The following WDR64 variants were observed in gnomAD, a reference collection of about 807,000 sequenced individuals.
WDR64 encodes WD repeat-containing protein 64.
WDR64 carries 112 observed loss-of-function variants against 139.3 expected under a neutral mutation model. That is an observed-to-expected ratio of 0.80 (90% CI 0.69 to 0.94). WDR64 has a LOEUF of 0.94. Among genes scored for constraint, WDR64 ranks in the 40% least tolerant of loss-of-function variants. The pLI is 0.00. For synonymous variants in WDR64, 444 were observed against 437.7 expected, an observed-to-expected ratio of 1.01 and a Z score of -0.18; for missense variants, 1,206 against 1,293.1, an observed-to-expected ratio of 0.93 and a Z score of 1.03.
chr1:241,731,200 C>A (rs959456217), intron 10 of WDR64, among the ~76,000 whole-genome samples: 1 of 152,158 alleles, frequency 6.6e-6, no homozygotes, highest in African/African-American at 2.4e-5. Flanking sequence ...AAACAGAATA[C>A]TATTCAGCCA....
intron 8 of WDR64, among the ~76,000 whole-genome samples, chr1:241,690,422 G>T (rs1157558891): frequency 6.6e-6 from 1 of 150,948 alleles, no homozygotes; most frequent in East Asian, 2.0e-4. Flanking sequence ...AGTGAGCCGA[G>T]ATCACACCAC....
intron 8 of WDR64, among the ~76,000 whole-genome samples, chr1:241,690,398 G>C (rs1170776174): frequency 6.6e-6 from 1 of 151,338 alleles, no homozygotes; most frequent in Non-Finnish European, 1.5e-5. Flanking sequence ...TTAAACCTGG[G>C]AGGCGGAGGT....
Position 241,749,666 on chromosome 1 carries a change from A to G in WDR64, c.1714A>G (p.Lys572Glu). 6.2e-7 allele frequency: 1 copy of G among 1,614,130 alleles called. No homozygotes were observed. Among genetic ancestry groups the G allele is most frequent in the Non-Finnish European group, 8.5e-7 (1 of 1,180,020 alleles). Residue 572 changes from lysine to glutamate, a missense_variant, in exon 14 of 28, where the codon AAA becomes GAA. Coordinates refer to ENST00000437684, the MANE Select transcript of WDR64 (RefSeq NM_001367482.1). ...CCTCATTTTCCTCAAAGCCCAAGAA[A>G]AACACCAGCAGCTGGTCCTGGCCTT... ...RRLIFLKAQE[K>E]HQQLVLALER...
intron 25 of WDR64, among the ~76,000 whole-genome samples, chr1:241,791,290 AAAAC>A (rs981372368): frequency 1.3e-5 from 2 of 152,148 alleles, no homozygotes; most frequent in African/African-American, 4.8e-5. Flanking sequence ...CCTCTCAAAA[AAAAC>A]AAACAAAAAG....
chr1:241,691,199 A>G (rs12076810), intron 8 of WDR64, among the ~76,000 whole-genome samples: 2,740 of 152,300 alleles, frequency 0.018, 94 homozygotes, highest in African/African-American at 0.062. Context: ...AAATCATGTA[A>G]AGTGTTTATT....
At chr1:241,774,984 G>C in intron 20 of WDR64, 121 bp from the exon 21 acceptor site, 1 of 738,860 alleles carries the variant, frequency 1.4e-6, no homozygotes, top group Non-Finnish European at 2.2e-6. Flanking sequence ...GGGAATCGTG[G>C]TTCAGTAGTA....
At position 241,683,554 on chromosome 1, in the gene WDR64, A is replaced by G. The variant is rs969241282; in HGVS notation, c.692A>G (p.Asp231Gly). The G allele has an allele frequency of 1.5e-5, 23 of 1,551,656 alleles. No individual in the cohort carries two copies. Among genetic ancestry groups the G allele is most frequent in the Middle Eastern group, 1.7e-4 (1 of 6,016 alleles). The change falls in exon 7 of 28, where the codon GAC becomes GGC. Residue 231 changes from aspartate (D) to glycine (G), a missense_variant. Asp to Gly is a moderately conservative substitution (Grantham distance 94, BLOSUM62 -1). Transcript: ENST00000437684. ...LLCVCVVPLPDHLCRDDILLG... is the reference protein window; with the variant it reads ...LLCVCVVPLPGHLCRDDILLG... The stretch of plus-strand genomic sequence containing the variant: ...TGTGTGTGTGTGGTGCCTTTGCCTG[A>G]CCATCTCTGCCGAGATGACATCCTC...
intron 2 of WDR64, among the ~76,000 whole-genome samples, chr1:241,669,227 A>T (rs1412529041): frequency 6.6e-6 from 1 of 152,236 alleles, no homozygotes; most frequent in Admixed American, 6.5e-5. Context: ...ATGACTATCA[A>T]TTCATTGTAC....
chr1:241,724,416 C>A (rs765461570), intron 10 of WDR64, among the ~76,000 whole-genome samples: 1 of 152,074 alleles, frequency 6.6e-6, no homozygotes, highest in Admixed American at 6.6e-5. Context: ...CAGAAATAAT[C>A]ACATCTATGA....
At chr1:241,674,966 CTTTTTCTT>C (rs1558465755) in intron 4 of WDR64, among the ~76,000 whole-genome samples, 1 of 29,890 alleles carries the variant, frequency 3.3e-5, no homozygotes, top group Non-Finnish European at 8.5e-5. Context: ...CTCCTCCCTT[CTTTTTCTT>C]TCCTTCTTTC....
At chr1:241,689,685 A>T (rs1030929344) in intron 8 of WDR64, among the ~76,000 whole-genome samples, 1 of 152,354 alleles carries the variant, frequency 6.6e-6, no homozygotes. Flanking sequence ...AATGTAAGAC[A>T]ACTACAATTA....
At chr1:241,704,977 A>C (rs537459365) in intron 8 of WDR64, among the ~76,000 whole-genome samples, 1 of 152,192 alleles carries the variant, frequency 6.6e-6, no homozygotes, top group Non-Finnish European at 1.5e-5. Flanking sequence ...TTGTGGGCCA[A>C]TGGGGGAATG....
intron 10 of WDR64, among the ~76,000 whole-genome samples, chr1:241,734,820 G>T (rs1558497644): frequency 6.6e-6 from 1 of 152,116 alleles, no homozygotes. Flanking sequence ...ATATATGATG[G>T]TGATCATATA....
chr1:241,784,726 C>T (rs768432868), intron 23 of WDR64, among the ~76,000 whole-genome samples: 30 of 151,838 alleles, frequency 2.0e-4, no homozygotes, highest in African/African-American at 5.8e-4. Flanking sequence ...GAGGCCGAGG[C>T]GGGTGGATCA....
At chr1:241,791,114 C>T (rs1659203099) in intron 25 of WDR64, among the ~76,000 whole-genome samples, 1 of 82,510 alleles carries the variant, frequency 1.2e-5, no homozygotes, top group Non-Finnish European at 2.4e-5. Context: ...TGGCGAAACT[C>T]CATCTCTATT....
At chr1:241,675,093 CCTCCCTCCCTCCTTCCT>C in intron 4 of WDR64, among the ~76,000 whole-genome samples, 1 of 122,164 alleles carries the variant, frequency 8.2e-6, no homozygotes, top group Non-Finnish European at 1.7e-5. Context: ...CTTCATCCTT[CCTCCCTCCCTCCTTCCT>C]TCCTCCCTCC....
In WDR64 at chr1:241,766,282, T is replaced by C. The variant is rs1425261066; in HGVS notation, c.2012T>C (p.Leu671Ser). 2 of 1,614,052 alleles carry C rather than the reference T, an allele frequency of 1.2e-6. No homozygotes were observed. The highest frequency in any genetic ancestry group is 1.3e-5 in the African/African-American group (1 of 74,928). The change falls in exon 16 of 28, where the codon TTG (leucine) becomes TCG (serine). Residue 671 changes from leucine to serine, a missense_variant. Transcript: ENST00000437684. ...IDLLQVEGYN[L>S]IAAGTLNGVI... ...TTACTACAAGTAGAAGGATATAATTTGATAGCAGCTGGAACCTTAAATGGT... is the reference window on the plus strand; with the variant it reads ...TTACTACAAGTAGAAGGATATAATTCGATAGCAGCTGGAACCTTAAATGGT...
intron 9 of WDR64, among the ~76,000 whole-genome samples, 191 bp from the exon 10 acceptor site, chr1:241,723,106 C>T (rs1192686869): frequency 6.6e-6 from 1 of 152,116 alleles, no homozygotes; most frequent in Non-Finnish European, 1.5e-5. Context: ...TACAAAACAG[C>T]CTTCACAAGA....
chr1:241,678,237 C>T, intron 5 of WDR64, 21 bp downstream of exon 5: 1 of 398,810 alleles, frequency 2.5e-6, no homozygotes, highest in Non-Finnish European at 4.4e-6. Flanking sequence ...TTTAAAAATT[C>T]CTAATTAAGT....
Sources: gnomAD v4.1 joint callset for allele counts (sites outside exome capture counted in the v4.1 genomes callset) on GRCh38, gnomAD v4.1.1 for gene constraint, MANE v1.5 for transcripts, NCBI Gene and HGNC (gene_info 2026-07-23, HGNC 2026-07-21) for gene names.